The following IMMP2L variants were observed in gnomAD, a reference collection of about 807,000 sequenced individuals.
IMMP2L encodes inner mitochondrial membrane peptidase subunit 2.
A neutral mutation model predicts 19.3 loss-of-function variants in IMMP2L; 18 were observed. The ratio of observed to expected loss-of-function variants is 0.93; its 90% confidence interval spans 0.64 to 1.38. The LOEUF is 1.38. Among genes scored for constraint, IMMP2L ranks in the 40% most tolerant of loss-of-function variants. The pLI, the probability that IMMP2L is intolerant of heterozygous loss-of-function variation, is 0.00. For missense variants in IMMP2L, 233 were observed against 218.2 expected, an observed-to-expected ratio of 1.07 and a Z score of -0.43; for synonymous variants, 76 against 73.0, an observed-to-expected ratio of 1.04 and a Z score of -0.21.
intron 5 of IMMP2L, among the ~76,000 whole-genome samples, chr7:110,795,427 G>A (rs962101699): frequency 6.6e-6 from 1 of 151,912 alleles, no homozygotes; most frequent in African/African-American, 2.4e-5. Flanking sequence ...AACAAGCAAG[G>A]GACTTTCTTT....
chr7:111,463,816 C>T (rs558235946), intron 3 of IMMP2L, among the ~76,000 whole-genome samples: 1 of 152,224 alleles, frequency 6.6e-6, no homozygotes, highest in South Asian at 2.1e-4. Context: ...TTGAATGTAC[C>T]GTCTGTTTCT....
At chr7:111,036,514 C>T (rs1199473158) in intron 3 of IMMP2L, among the ~76,000 whole-genome samples, 2 of 152,072 alleles carry the variant, frequency 1.3e-5, no homozygotes, top group Admixed American at 1.3e-4. Flanking sequence ...GAATTTATCT[C>T]TAGACACTTA....
intron 3 of IMMP2L, among the ~76,000 whole-genome samples, chr7:111,148,834 G>C (rs1365726020): frequency 6.6e-6 from 1 of 151,928 alleles, no homozygotes; most frequent in African/African-American, 2.4e-5. Context: ...ACTTTGTTAT[G>C]AAACACTTGA....
chr7:111,345,803 T>G (rs1366288417), intron 3 of IMMP2L, among the ~76,000 whole-genome samples: 1 of 152,174 alleles, frequency 6.6e-6, no homozygotes, highest in African/African-American at 2.4e-5. Context: ...CAGGTCATTT[T>G]AAGGCAGCTC....
chr7:110,979,452 A>G (rs1038823982), intron 3 of IMMP2L, among the ~76,000 whole-genome samples: 2 of 152,088 alleles, frequency 1.3e-5, no homozygotes, highest in Non-Finnish European at 2.9e-5. Flanking sequence ...ATAGTCTATC[A>G]TTACTAGTTT....
At chr7:110,963,175 A>T (rs1763277269) in intron 4 of IMMP2L, 1 of 1,034,240 alleles carries the variant, frequency 9.7e-7, no homozygotes, top group Non-Finnish European at 1.4e-6. Context: ...ATGAACCTTA[A>T]CATCATAATC....
intron 3 of IMMP2L, among the ~76,000 whole-genome samples, chr7:111,236,604 G>A (rs979127413): frequency 2.0e-5 from 3 of 152,082 alleles, no homozygotes; most frequent in African/African-American, 7.2e-5. Flanking sequence ...GTCCTCAGCT[G>A]AGGGCTGTAC....
intron 3 of IMMP2L, among the ~76,000 whole-genome samples, chr7:111,295,444 C>A (rs1584494179): frequency 6.6e-6 from 1 of 151,794 alleles, no homozygotes; most frequent in East Asian, 1.9e-4. Context: ...ATAGTTTAGA[C>A]ACAAGTTGAA....
At chr7:110,698,454 C>G (rs1205626543) in intron 5 of IMMP2L, among the ~76,000 whole-genome samples, 1 of 152,132 alleles carries the variant, frequency 6.6e-6, no homozygotes, top group East Asian at 1.9e-4. Context: ...CAACCAGTAG[C>G]ATCCAGAATT....
At chr7:111,145,372 TTGTA>T (rs1202556061) in intron 3 of IMMP2L, among the ~76,000 whole-genome samples, 1 of 152,066 alleles carries the variant, frequency 6.6e-6, no homozygotes, top group African/African-American at 2.4e-5. Context: ...AATTTTATCT[TTGTA>T]TGTCTATTAC....
intron 5 of IMMP2L, among the ~76,000 whole-genome samples, chr7:110,723,857 G>GAAAAAAAA (rs75787493): frequency 1.0e-5 from 1 of 97,716 alleles, no homozygotes; most frequent in Non-Finnish European, 2.2e-5. Context: ...GAGGGAAAGG[G>GAAAAAAAA]AAAAAAAAAA....
In IMMP2L at chr7:110,946,489, G is replaced by T. The variant is rs1286516485; in HGVS notation, c.305+17011C>A. ...TCACTAATAACTACAAAACCAACAG[G>T]TAAATGTATCAAAGTTATGCCAGAT... is the stretch of plus-strand genomic sequence containing the variant. On this transcript the variant is annotated intron_variant, in intron 4 of 5. Transcript: ENST00000405709. Among the ~76,000 whole-genome samples the T allele has an allele frequency of 3.3e-5, 5 of 151,994 alleles. No individual in the cohort carries two copies. In the South Asian group the frequency reaches 8.3e-4, roughly 25 times the overall value.
chr7:111,195,983 T>C (rs1433198135), intron 3 of IMMP2L, among the ~76,000 whole-genome samples: 1 of 151,964 alleles, frequency 6.6e-6, no homozygotes, highest in East Asian at 1.9e-4. Context: ...TCTCCCACCT[T>C]AGCCTCCAAG....
At chr7:111,089,349 T>C (rs1563229744) in intron 3 of IMMP2L, among the ~76,000 whole-genome samples, 1 of 152,118 alleles carries the variant, frequency 6.6e-6, no homozygotes, top group Non-Finnish European at 1.5e-5. Context: ...TTGTCAATTA[T>C]ACAGTCAATA....
At chr7:111,497,031 TAATAA>T (rs1843661345) in intron 2 of IMMP2L, among the ~76,000 whole-genome samples, 1 of 152,140 alleles carries the variant, frequency 6.6e-6, no homozygotes, top group Admixed American at 6.6e-5. Flanking sequence ...AAAACTACAT[TAATAA>T]AATAAAAGTG....
intron 5 of IMMP2L, among the ~76,000 whole-genome samples, chr7:110,809,995 C>T (rs17400175): frequency 0.13 from 20,474 of 152,080 alleles, 1,550 homozygotes; most frequent in South Asian, 0.29. Context: ...AGCACACCAA[C>T]GCCAACTCTA....
In IMMP2L at chr7:111,469,710, T is replaced by C. The variant is rs1297680026; in HGVS notation, c.239+17528A>G. 2.0e-5 allele frequency among the ~76,000 whole-genome samples: 3 copies of C among 152,260 alleles called. 1 individual carries two copies. The highest frequency in any genetic ancestry group is 1.9e-4 in the East Asian group (1 of 5,190). ...AACTGGATCCCTGCCTTACATCTTA[T>C]ACAAAAATTAATTCAACATGGATTA... On this transcript the variant is annotated intron_variant, in intron 3 of 5. Coordinates refer to ENST00000405709, the MANE Select transcript of IMMP2L (RefSeq NM_032549.4).
intron 3 of IMMP2L, among the ~76,000 whole-genome samples, chr7:111,169,826 A>T (rs2129608757): frequency 6.6e-6 from 1 of 152,054 alleles, no homozygotes; most frequent in South Asian, 2.1e-4. Flanking sequence ...TTCATGAAGA[A>T]ATGTCACAGA....
intron 5 of IMMP2L, among the ~76,000 whole-genome samples, chr7:110,812,369 C>G (rs1349460250): frequency 6.6e-6 from 1 of 152,008 alleles, no homozygotes; most frequent in African/African-American, 2.4e-5. Flanking sequence ...TATTTGGCAC[C>G]TCAGGAGTGA....
Sources: gnomAD v4.1 joint callset for allele counts (sites outside exome capture counted in the v4.1 genomes callset) on GRCh38, gnomAD v4.1.1 for gene constraint, MANE v1.5 for transcripts, NCBI Gene and HGNC (gene_info 2026-07-23, HGNC 2026-07-21) for gene names.